The following CCNE2 variants were observed in gnomAD, a reference collection of about 807,000 sequenced individuals.
CCNE2 encodes the protein G1/S-specific cyclin-E2.
In CCNE2, 18 loss-of-function variants were observed where a neutral mutation model predicts 56.8. The observed-to-expected ratio is 0.32, with a 90% CI of 0.22 to 0.47. CCNE2 has a LOEUF of 0.47. CCNE2 is among the 20% of genes least tolerant of loss of function. CCNE2 has a pLI of 1.00. For synonymous variants in CCNE2, 139 were observed against 149.2 expected, an observed-to-expected ratio of 0.93 and a Z score of 0.50; for missense variants, 371 against 467.1, an observed-to-expected ratio of 0.79 and a Z score of 1.90.
chr8:94,883,924 G>C (rs1199769130), intron 9 of CCNE2: 1 of 456,156 alleles, frequency 2.2e-6, no homozygotes, highest in Admixed American at 2.3e-5. Context: ...GAGAAGAGCT[G>C]GGAATTGGAA....
intron 9 of CCNE2, chr8:94,883,692 C>G (rs28399582): frequency 8.0e-6 from 2 of 248,652 alleles, no homozygotes; most frequent in East Asian, 8.5e-5. Flanking sequence ...AAGAAAGATA[C>G]CTTAGAATGC....
intron 5 of CCNE2, chr8:94,891,944 G>A: frequency 8.7e-7 from 1 of 1,152,124 alleles, no homozygotes; most frequent in South Asian, 1.2e-5. Context: ...CGGACCTACA[G>A]AGCTCATGGT....
At chr8:94,886,235 C>CA (rs987313924) in intron 7 of CCNE2, among the ~76,000 whole-genome samples, 5 of 151,890 alleles carry the variant, frequency 3.3e-5, no homozygotes, top group Admixed American at 1.3e-4. Context: ...ATTCTAAAGT[C>CA]AAAACAAAGG....
At chr8:94,894,860 G>C (rs28399552) in intron 1 of CCNE2, among the ~76,000 whole-genome samples, 3,704 of 152,302 alleles carry the variant, frequency 0.024, 125 homozygotes, top group African/African-American at 0.083. Context: ...CTAAAGAAAG[G>C]GGAGACTGGG....
At chr8:94,882,987 AC>A in intron 9 of CCNE2, 95 bp from the exon 10 acceptor site, 1 of 832,504 alleles carries the variant, frequency 1.2e-6, no homozygotes, top group Non-Finnish European at 1.9e-6. Flanking sequence ...TAAATAAGCC[AC>A]CACCCGGCCA....
chr8:94,892,958 TG>T lies in CCNE2; in HGVS notation c.176del (p.Pro59HisfsTer21). The T allele has an allele frequency of 6.5e-7, 1 of 1,532,842 alleles. No homozygotes were observed. The highest frequency in any genetic ancestry group is 8.7e-7 in the Non-Finnish European group (1 of 1,153,312). 95.0% of individuals were successfully genotyped at this position (1,532,842 alleles called of 1,614,324 possible). A position where few individuals can be genotyped will look rare whatever the true frequency, so the allele number is the denominator to read the frequency against. ...GACTGATCCCCCCAGATAATACAGG[TG>T]GCCAACAATTCTGTCATAAAAAAAA... ...KHQYEIRNCW[P>X]PVLSGGISPC... On this transcript the variant is annotated frameshift_variant, in exon 5 of 12. Coordinates refer to ENST00000308108, the MANE Select transcript of CCNE2 (RefSeq NM_057749.3). LOFTEE classifies it high-confidence loss of function.
intron 9 of CCNE2, 53 bp downstream of exon 9, chr8:94,885,014 A>G: frequency 6.5e-7 from 1 of 1,536,538 alleles, no homozygotes; most frequent in Non-Finnish European, 8.9e-7. Flanking sequence ...CTATATATAC[A>G]CTAAAACCTG....
intron 9 of CCNE2, 94 bp downstream of exon 9, chr8:94,884,971 AAT>A (rs1394251925): frequency 9.4e-7 from 1 of 1,064,928 alleles, no homozygotes; most frequent in South Asian, 1.6e-5. Flanking sequence ...GAGTGAAGTC[AAT>A]ATGTCATTTT....
In CCNE2 at chr8:94,892,214, T is replaced by A. The variant is rs1817274465; in HGVS notation, c.317+604A>T. On this transcript the variant is annotated intron_variant, in intron 5 of 11. Coordinates refer to ENST00000308108, the MANE Select transcript of CCNE2 (RefSeq NM_057749.3). ...CATGTGATCACAGTCAAGAGAAGTC[T>A]CAATCACCTCTAAATAGATCATCTA... 7.6e-6 allele frequency: 3 copies of A among 395,638 alleles called. No homozygotes were observed. In the Admixed American group the frequency reaches 1.0e-4, roughly 13 times the overall value. The allele number at this position is 395,638 out of a possible 1,614,324, so 24.5% of individuals were successfully genotyped here. A position where few individuals can be genotyped will look rare whatever the true frequency, so the allele number is the denominator to read the frequency against.
chr8:94,882,408 C>CAAG, intron 10 of CCNE2, 119 bp from the exon 11 acceptor site: 1 of 793,616 alleles, frequency 1.3e-6, no homozygotes, highest in East Asian at 2.8e-5. Context: ...AAATCATAAC[C>CAAG]AAGAAGTTTA....
chr8:94,888,029 T>G lies in CCNE2; in HGVS notation c.498A>C (p.Ala166=), dbSNP rs768740751. 2 of 1,595,660 alleles carry G rather than the reference T, an allele frequency of 1.3e-6. No homozygotes were observed. Among genetic ancestry groups the G allele is most frequent in the South Asian group, 2.3e-5 (2 of 87,798 alleles). ...ACATAAATCTATCAAAAAAGTCTTGTGCAAGATAAAATGTTTCCCTATGAA... is the reference window on the plus strand; with the variant it reads ...ACATAAATCTATCAAAAAAGTCTTGGGCAAGATAAAATGTTTCCCTATGAA... ...YTLHRETFYL[A]QDFFDRFMLT... The change falls in exon 7 of 12, where the codon GCA becomes GCC. Residue 166 remains alanine (A), a synonymous_variant. Coordinates refer to ENST00000308108, the MANE Select transcript of CCNE2 (RefSeq NM_057749.3).
At position 94,894,059 on chromosome 8, in the gene CCNE2, G is replaced by T; in HGVS notation, c.75C>A (p.Ala25=). 1 of 1,613,638 alleles carries T rather than the reference G, an allele frequency of 6.2e-7. No individual in the cohort carries two copies. Among genetic ancestry groups the T allele is most frequent in the Non-Finnish European group, 8.5e-7 (1 of 1,179,806 alleles). The change falls in exon 3 of 12, where the codon GCC becomes GCA. Residue 25 remains alanine (A), a synonymous_variant. Transcript: ENST00000308108. The part of the protein sequence containing the change: ...QPSQTESPQE[A]QIIQAKKRKT... ...TCCTCTTCTTGGCCTGGATTATCTG[G>T]GCTTCTTGGGGGGATTCCGTCTGGC...
chr8:94,885,613 TG>T (rs1817008263), intron 7 of CCNE2, 55 bp from the exon 8 acceptor site: 17 of 1,098,004 alleles, frequency 1.5e-5, no homozygotes, highest in Non-Finnish European at 2.2e-5. Context: ...TAATTACAAA[TG>T]TTCCTCAGTC....
Position 94,881,062 on chromosome 8 carries a change from T to C in CCNE2, c.*570A>G, listed in dbSNP as rs1816790984. ...TAAACTAGTTTAAAAAACATTAAAT[T>C]TCACCATTTGTAGAAATTCAAGTTT... On this transcript the variant is annotated 3_prime_UTR_variant, in exon 12 of 12. Transcript: ENST00000308108. 2.5e-6 allele frequency: 1 copy of C among 398,076 alleles called. No homozygotes were observed. The highest frequency in any genetic ancestry group is 4.4e-5 in the Admixed American group (1 of 22,700). 24.7% of individuals were successfully genotyped at this position (398,076 alleles called of 1,614,324 possible). A position where few individuals can be genotyped will look rare whatever the true frequency, so the allele number is the denominator to read the frequency against.
In CCNE2 at chr8:94,881,507, G is replaced by T; in HGVS notation, c.*125C>A. On this transcript the variant is annotated 3_prime_UTR_variant, in exon 12 of 12. Transcript: ENST00000308108. Reference sequence around the variant, plus strand: ...TGTAAGTTTTAAAATCAGAATGGCAGTGTAACTTGTGAATTGGCTAGGGCA... The same window carrying T: ...TGTAAGTTTTAAAATCAGAATGGCATTGTAACTTGTGAATTGGCTAGGGCA... 1 of 825,054 alleles carries T rather than the reference G, an allele frequency of 1.2e-6. No homozygotes were observed. The highest frequency in any genetic ancestry group is 1.9e-6 in the Non-Finnish European group (1 of 529,368). The allele number at this position is 825,054 out of a possible 1,614,324, so 51.1% of individuals were successfully genotyped here. A position where few individuals can be genotyped will look rare whatever the true frequency, so the allele number is the denominator to read the frequency against.
Position 94,881,308 on chromosome 8 carries a change from G to A in CCNE2, c.*324C>T, listed in dbSNP as rs998600842. The A allele has an allele frequency of 9.1e-5, 33 of 361,206 alleles. No homozygotes were observed. The highest frequency in any genetic ancestry group is 1.4e-4 in the Non-Finnish European group (29 of 203,028). 22.4% of individuals were successfully genotyped at this position (361,206 alleles called of 1,614,324 possible). ...CAAAACTCCAGTGACAAAATTCCTA[G>A]TTTATCAAGATAAACACAGTAACAC... On this transcript the variant is annotated 3_prime_UTR_variant, in exon 12 of 12. Transcript: ENST00000308108.
chr8:94,894,372 C>G, intron 1 of CCNE2, 125 bp from the exon 2 acceptor site: 1 of 811,254 alleles, frequency 1.2e-6, no homozygotes, highest in Non-Finnish European at 2.0e-6. Flanking sequence ...CCCTGTGACC[C>G]TGCCATCTTC....
chr8:94,889,425 A>T (rs574761297), intron 6 of CCNE2, among the ~76,000 whole-genome samples: 97 of 152,350 alleles, frequency 6.4e-4, no homozygotes, highest in Non-Finnish European at 1.2e-3. Flanking sequence ...AACAAAAAGG[A>T]AACAAATTAA....
chr8:94,884,316 T>C (rs1428376730), intron 9 of CCNE2, among the ~76,000 whole-genome samples: 1 of 150,852 alleles, frequency 6.6e-6, no homozygotes, highest in Non-Finnish European at 1.5e-5. Context: ...TTACGAGAAG[T>C]AAGCAAGAAA....
Sources: allele counts gnomAD v4.1 joint callset (sites outside exome capture counted in the v4.1 genomes callset), GRCh38; gene constraint gnomAD v4.1.1; transcripts MANE v1.5; gene names NCBI Gene and HGNC (gene_info 2026-07-23, HGNC 2026-07-21).